ASTN2: variants seen among roughly 807,000 people sequenced by gnomAD.
ASTN2 encodes the protein astrotactin-2.
ASTN2 carries 54 observed loss-of-function variants against 139.8 expected under a neutral mutation model. That is an observed-to-expected ratio of 0.39 (90% confidence interval 0.31 to 0.48). The LOEUF (loss-of-function observed/expected upper bound fraction) is 0.48, where lower values mean the gene tolerates loss of function less well. Ranked by LOEUF, ASTN2 falls within the 20% of genes least tolerant of loss-of-function variation. ASTN2 has a pLI of 0.95. For missense variants in ASTN2, 1,565 were observed against 1,725.1 expected (o/e 0.91, Z 1.64); for synonymous variants, 756 against 719.5 (o/e 1.05, Z -0.81).
chr9:117,345,144 A>C (rs1829177186), intron 1 of ASTN2, among the ~76,000 whole-genome samples: 1 of 152,260 alleles, frequency 6.6e-6, no homozygotes, highest in African/African-American at 2.4e-5. Context: ...CCAGGAGCCA[A>C]GCCTGTAGTT....
chr9:116,894,478 G>T (rs1420268842), intron 10 of ASTN2, among the ~76,000 whole-genome samples: 1 of 152,068 alleles, frequency 6.6e-6, no homozygotes, highest in Non-Finnish European at 1.5e-5. Flanking sequence ...TATTACCATT[G>T]TTCTAATTTT....
rs887545307 is a variant in ASTN2 at position 116,618,406 on chromosome 9, C to T, written c.3273G>A (p.Gln1091=). 6.2e-7 allele frequency: 1 copy of T among 1,614,060 alleles called. No individual in the cohort carries two copies. Among genetic ancestry groups the T allele is most frequent in the African/African-American group, 1.3e-5 (1 of 74,922 alleles). ...CGGAGACCTTGGTCCCAATAGCTGG[C>T]TGAACATCCACCCACTCCAAGGAGA... The part of the protein sequence containing the change: ...TVVSLEWVDV[Q]PAIGTKVSDY... The change falls in exon 19 of 23, where the codon CAG becomes CAA. Residue 1091 remains glutamine, a synonymous_variant. Coordinates refer to ENST00000313400, the MANE Select transcript of ASTN2 (RefSeq NM_001365068.1).
chr9:116,625,937 C>T (rs751093474), intron 17 of ASTN2, among the ~76,000 whole-genome samples: 1 of 152,022 alleles, frequency 6.6e-6, no homozygotes, highest in Non-Finnish European at 1.5e-5. Flanking sequence ...TGTGTGTCCT[C>T]GCCTATCAAA....
At chr9:117,033,944 T>A (rs1055351905) in intron 6 of ASTN2, among the ~76,000 whole-genome samples, 2 of 152,204 alleles carry the variant, frequency 1.3e-5, no homozygotes, top group African/African-American at 4.8e-5. Context: ...GTTCCCTTCC[T>A]GTCTAGGTTC....
In ASTN2 at chr9:116,893,159, T is replaced by TCACACACA. The variant is rs56263614; in HGVS notation, c.1890-29434_1890-29427dup. Among the ~76,000 whole-genome samples the TCACACACA allele has an allele frequency of 4.3e-3, 642 of 149,330 alleles. 1 individual carries two copies. The highest frequency in any genetic ancestry group is 0.015 in the African/African-American group (600 of 40,568). On this transcript the variant is annotated intron_variant, in intron 10 of 22. Transcript: ENST00000313400. ...GTTGCCAAAATCTACTAAAGGTGTA[T>TCACACACA]CACACACACACACACACACACACAC...
At position 116,764,040 on chromosome 9, in the gene ASTN2, C is replaced by T. The variant is rs549664221; in HGVS notation, c.2397-30517G>A. 1.6e-4 allele frequency among the ~76,000 whole-genome samples: 25 copies of T among 152,278 alleles called. 1 individual carries two copies. In the South Asian group the frequency reaches 5.0e-3, roughly 30 times the overall value. ...TCACTCACAGAACCTCTGAGTCTTT[C>T]CAACACTCCTATGATATAAGGTGCA... is the stretch of plus-strand genomic sequence containing the variant. On this transcript the variant is annotated intron_variant, in intron 13 of 22. Transcript: ENST00000313400.
At chr9:116,867,861 G>GA (rs1199970144) in intron 10 of ASTN2, among the ~76,000 whole-genome samples, 34 of 152,002 alleles carry the variant, frequency 2.2e-4, no homozygotes, top group South Asian at 1.2e-3. Context: ...CGCAAGACAG[G>GA]AAAAAAAAGC....
At chr9:116,918,100 C>T (rs1834502828) in intron 10 of ASTN2, among the ~76,000 whole-genome samples, 1 of 152,178 alleles carries the variant, frequency 6.6e-6, no homozygotes, top group South Asian at 2.1e-4. Context: ...GAGCCTTTCA[C>T]CTCCCATCAT....
At chr9:117,058,157 A>G (rs1354937923) in intron 5 of ASTN2, among the ~76,000 whole-genome samples, 2 of 152,184 alleles carry the variant, frequency 1.3e-5, no homozygotes, top group Non-Finnish European at 2.9e-5. Context: ...CCTGGTATTG[A>G]GTATCAGCTA....
intron 20 of ASTN2, among the ~76,000 whole-genome samples, chr9:116,443,427 A>C (rs1847896552): frequency 6.6e-6 from 1 of 152,186 alleles, no homozygotes; most frequent in Non-Finnish European, 1.5e-5. Flanking sequence ...GCATATCCCC[A>C]CCTTTCTATG....
In ASTN2 at chr9:116,425,856, G is replaced by A. The variant is rs745617445; in HGVS notation, c.4015C>T (p.Arg1339Trp). Residue 1339 changes from arginine to tryptophan, a missense_variant, in exon 23 of 23, where the codon CGG becomes TGG. By Grantham distance (101) the Arg-to-Trp change is moderately radical. This residue lies in a region of ASTN2 where 418 missense variants were observed against 465.8 expected (regional missense o/e 0.90). Coordinates refer to ENST00000313400, the MANE Select transcript of ASTN2 (RefSeq NM_001365068.1). ...ACGGAGGGCAATACCCTCCCTCACC[G>A]GCCCTTGGACTCCCCGTACGTGTTT... Reference protein sequence around the residue: ...ARNTYGESKGR With the variant: ...ARNTYGESKGW 23 of 1,608,108 alleles carry A rather than the reference G, an allele frequency of 1.4e-5. No individual in the cohort carries two copies. The highest frequency in any genetic ancestry group is 5.4e-5 in the African/African-American group (4 of 74,682).
chr9:117,323,689 A>G (rs1206490682), intron 1 of ASTN2, among the ~76,000 whole-genome samples: 5 of 152,180 alleles, frequency 3.3e-5, no homozygotes, highest in Non-Finnish European at 5.9e-5. Context: ...TCAGTGTGAA[A>G]TATGTCCAGG....
chr9:116,499,561 G>A (rs1442014011), intron 19 of ASTN2, among the ~76,000 whole-genome samples: 2 of 152,108 alleles, frequency 1.3e-5, no homozygotes, highest in Non-Finnish European at 2.9e-5. Context: ...TACATATGTA[G>A]TTGTCTTCCT....
At chr9:116,574,156 C>T (rs994925915) in intron 19 of ASTN2, among the ~76,000 whole-genome samples, 2 of 152,116 alleles carry the variant, frequency 1.3e-5, no homozygotes, top group Non-Finnish European at 2.9e-5. Flanking sequence ...GCCTTGTGAG[C>T]CACACAGTCT....
At chr9:117,217,831 T>C (rs1197575011) in intron 2 of ASTN2, among the ~76,000 whole-genome samples, 2 of 152,242 alleles carry the variant, frequency 1.3e-5, no homozygotes, top group Non-Finnish European at 2.9e-5. Flanking sequence ...AATGAATGAC[T>C]TGAGTTTCTG....
At chr9:116,565,394 T>TCTCTCC (rs1398720387) in intron 19 of ASTN2, among the ~76,000 whole-genome samples, 1 of 18,118 alleles carries the variant, frequency 5.5e-5, no homozygotes, top group African/African-American at 2.4e-4. Flanking sequence ...TCTCCATATA[T>TCTCTCC]ATATATATAT....
chr9:116,493,383 C>T (rs774742064), intron 19 of ASTN2, among the ~76,000 whole-genome samples: 7 of 152,128 alleles, frequency 4.6e-5, no homozygotes, highest in South Asian at 2.1e-4. Context: ...AGTTGGGAGT[C>T]GCTGTACAGG....
chr9:116,977,788 C>A (rs977528122), intron 7 of ASTN2, among the ~76,000 whole-genome samples: 3 of 148,376 alleles, frequency 2.0e-5, no homozygotes, highest in African/African-American at 7.5e-5. Context: ...GTGATCTCGG[C>A]TCACTGCAAC....
intron 10 of ASTN2, among the ~76,000 whole-genome samples, chr9:116,907,365 T>C: frequency 6.6e-6 from 1 of 152,326 alleles, no homozygotes; most frequent in Non-Finnish European, 1.5e-5. Flanking sequence ...GTACTGGCCC[T>C]GAGGCACATC....
Sources: gnomAD v4.1 joint callset for allele counts (sites outside exome capture counted in the v4.1 genomes callset) on GRCh38, gnomAD v4.1.1 for gene constraint, gnomAD v4.1.1 regional missense constraint, MANE v1.5 for transcripts, NCBI Gene and HGNC (gene_info 2026-07-23, HGNC 2026-07-21) for gene names.